Variants in SIDT2 observed in about 807,000 individuals in gnomAD.
SIDT2 encodes the protein SID1 transmembrane family, member 2.
In SIDT2, 68 loss-of-function variants were observed where a neutral mutation model predicts 114.4. That is an observed-to-expected ratio of 0.59 (90% confidence interval 0.49 to 0.73). The LOEUF (loss-of-function observed/expected upper bound fraction) is 0.73, where lower values mean the gene tolerates loss of function less well. Among genes scored for constraint, SIDT2 ranks in the 30% least tolerant of loss-of-function variants. SIDT2 has a pLI of 0.00. For missense variants in SIDT2, 918 were observed against 1,097.1 expected (o/e 0.84, Z 2.31); for synonymous variants, 470 against 438.4 (o/e 1.07, Z -0.90).
At chr11:117,189,757 CTAA>C (rs2030633619) in intron 15 of SIDT2, 192 bp from the exon 16 acceptor site, 1 of 619,050 alleles carries the variant, frequency 1.6e-6, no homozygotes, top group Non-Finnish European at 2.9e-6. Flanking sequence ...TCAGCCACGC[CTAA>C]TGAGAGGGGA....
At position 117,186,134 on chromosome 11, in the gene SIDT2, G is replaced by A; in HGVS notation, c.873G>A (p.Glu291=). 1 of 1,614,026 alleles carries A rather than the reference G, an allele frequency of 6.2e-7. No individual in the cohort carries two copies. The highest frequency in any genetic ancestry group is 2.2e-5 in the East Asian group (1 of 44,868). ...SVLVSQAVTS[E]AYVSGMLFCL... is the part of the protein sequence containing the mutation. ...CTTCCTGTTTCCTCCTTGAAGCTGA[G>A]GCATACGTCAGTGGGATGCTCTTTT... The change falls in exon 9 of 26, where the codon GAG becomes GAA. Residue 291 remains glutamate, a synonymous_variant. Transcript: ENST00000324225.
chr11:117,193,161 A>G lies in SIDT2; in HGVS notation c.2114A>G (p.Tyr705Cys), dbSNP rs1191607899. 3.1e-6 allele frequency: 5 copies of G among 1,614,028 alleles called. No individual in the cohort carries two copies. The highest frequency in any genetic ancestry group is 1.1e-5 in the South Asian group (1 of 91,090). The change falls in exon 23 of 26, where the codon TAT becomes TGT. Residue 705 changes from tyrosine to cysteine, a missense_variant. Transcript: ENST00000324225. The stretch of plus-strand genomic sequence containing the variant: ...TTCATCCCTCTTGCCAGGGCTGCCT[A>G]TGGGCTTATCATGCGCCCCAATGAT... ...GNVINWSLAA[Y>C]GLIMRPNDFA...
chr11:117,191,952 G>A lies in SIDT2; in HGVS notation c.1810G>A (p.Ala604Thr). ...CCAGAAGCGGCACCCGGACATCAAC[G>A]CCAGCGCCTACAGTGCCTACGCCTG... Reference protein sequence around the residue: ...LYQKRHPDINASAYSAYACLA... With the variant: ...LYQKRHPDINTSAYSAYACLA... Residue 604 changes from alanine (A) to threonine (T), a missense_variant, in exon 19 of 26, where the codon GCC becomes ACC. Physicochemically the swap from Ala to Thr is moderately conservative, Grantham distance 58 (BLOSUM62 0). Coordinates refer to ENST00000324225, the MANE Select transcript of SIDT2 (RefSeq NM_001040455.2). 1 of 1,614,132 alleles carries A rather than the reference G, an allele frequency of 6.2e-7. No homozygotes were observed. Among genetic ancestry groups the A allele is most frequent in the Non-Finnish European group, 8.5e-7 (1 of 1,180,046 alleles).
Position 117,179,079 on chromosome 11 carries a change from G to T in SIDT2, c.-185G>T, listed in dbSNP as rs1003927177. 4.7e-6 allele frequency: 3 copies of T among 637,946 alleles called. No homozygotes were observed. Among genetic ancestry groups the T allele is most frequent in the African/African-American group, 1.8e-5 (1 of 54,348 alleles). The allele number at this position is 637,946 out of a possible 1,614,324, so 39.5% of individuals were successfully genotyped here. A position where few individuals can be genotyped will look rare whatever the true frequency, so the allele number is the denominator to read the frequency against. Reference sequence around the variant, plus strand: ...TCCCGGCCGCCCCCTCCCCTGCGGGGACCCTGGGAGCCTCTTCGGGGCTCT... The same window carrying T: ...TCCCGGCCGCCCCCTCCCCTGCGGGTACCCTGGGAGCCTCTTCGGGGCTCT... On this transcript the variant is annotated 5_prime_UTR_variant, in exon 1 of 26. Coordinates refer to ENST00000324225, the MANE Select transcript of SIDT2 (RefSeq NM_001040455.2).
intron 23 of SIDT2, 54 bp from the exon 24 acceptor site, chr11:117,193,799 G>A (rs776597092): frequency 4.5e-6 from 6 of 1,329,638 alleles, no homozygotes; most frequent in East Asian, 2.3e-5. Flanking sequence ...GTGGGACAGC[G>A]GGGTGGGACA....
At chr11:117,183,899 C>G in intron 7 of SIDT2, 21 bp downstream of exon 7, 2 of 1,586,134 alleles carry the variant, frequency 1.3e-6, no homozygotes, top group Non-Finnish European at 1.7e-6. Flanking sequence ...TGCCCTGGGC[C>G]TGGCTAGGGA....
intron 15 of SIDT2, 50 bp from the exon 16 acceptor site, chr11:117,189,902 T>G: frequency 1.9e-6 from 3 of 1,589,970 alleles, no homozygotes; most frequent in Non-Finnish European, 2.6e-6. Flanking sequence ...GGGCGTGGGC[T>G]GAGTTGGGCG....
rs772303075 is a variant in SIDT2 at position 117,182,733 on chromosome 11, A to G, written c.629A>G (p.Tyr210Cys). ...ISIQDVLCPV[Y>C]DLDNNVAFIG... The stretch of plus-strand genomic sequence containing the variant: ...CCCGCCCCTCTGCAGTGTCCTGTCT[A>G]TGACCTGGACAACAACGTAGCCTTC... Residue 210 changes from tyrosine to cysteine, a missense_variant, in exon 6 of 26, where the codon TAT becomes TGT. Tyr to Cys is a radical substitution (Grantham distance 194). This residue lies in a region of SIDT2 where 553 missense variants were observed against 600.1 expected (regional missense o/e 0.92). Coordinates refer to ENST00000324225, the MANE Select transcript of SIDT2 (RefSeq NM_001040455.2). The G allele has an allele frequency of 6.2e-6, 10 of 1,614,196 alleles. No homozygotes were observed. Among genetic ancestry groups the G allele is most frequent in the Admixed American group, 1.7e-5 (1 of 60,032 alleles).
At chr11:117,189,756 C>CCTAATGAGAGGGGACAGCA in intron 15 of SIDT2, 196 bp from the exon 16 acceptor site, 1 of 621,756 alleles carries the variant, frequency 1.6e-6, no homozygotes, top group Non-Finnish European at 2.9e-6. Flanking sequence ...TTCAGCCACG[C>CCTAATGAGAGGGGACAGCA]CTAATGAGAG....
chr11:117,183,754 G>A (rs758823793), intron 6 of SIDT2, 25 bp from the exon 7 acceptor site: 4 of 1,450,398 alleles, frequency 2.8e-6, no homozygotes, highest in Middle Eastern at 3.5e-4. Context: ...TGATGAAGAA[G>A]ATATTTATCA....
chr11:117,180,335 C>G (rs2030229720), intron 1 of SIDT2, among the ~76,000 whole-genome samples: 1 of 152,082 alleles, frequency 6.6e-6, no homozygotes, highest in Non-Finnish European at 1.5e-5. Context: ...TGCTTAGAGT[C>G]CTTTCTTCCT....
rs1476401024 is a variant in SIDT2, at chr11:117,190,623, G to C, written c.1618G>C (p.Glu540Gln). 1.9e-6 allele frequency: 3 copies of C among 1,574,408 alleles called. No homozygotes were observed. Among genetic ancestry groups the C allele is most frequent in the African/African-American group, 2.7e-5 (2 of 74,354 alleles). Residue 540 changes from glutamate to glutamine, a missense_variant and splice_region_variant, in exon 18 of 26, where the codon GAA (glutamate) becomes CAA (glutamine). By Grantham distance (29) the Glu-to-Gln change is conservative. Coordinates refer to ENST00000324225, the MANE Select transcript of SIDT2 (RefSeq NM_001040455.2). The surrounding 1 kb of genome is among the most constrained non-coding windows in gnomAD (Gnocchi z 4.1). ...ALLRNDLCALECGIPKHFGLF... is the reference protein window; with the variant it reads ...ALLRNDLCALQCGIPKHFGLF... ...CTTCCCTTCTCTCTCTCCCCAACAG[G>C]AATGTGGGATCCCCAAACACTTTGG...
At position 117,191,861 on chromosome 11, in the gene SIDT2, C is replaced by T. The variant is rs376783478; in HGVS notation, c.1736-17C>T. ...GGTGGCCATTTCTGCAGCTCCCTTC[C>T]GTGTCCCTCATCCTAGACACATCGT... On this transcript the variant is annotated splice_polypyrimidine_tract_variant and intron_variant, in intron 18 of 25. Transcript: ENST00000324225. 15 of 1,612,376 alleles carry T rather than the reference C, an allele frequency of 9.3e-6. No individual in the cohort carries two copies. The highest frequency in any genetic ancestry group is 2.2e-5 in the East Asian group (1 of 44,830).
chr11:117,187,920 C>T, intron 12 of SIDT2: 1 of 689,248 alleles, frequency 1.5e-6, no homozygotes, highest in Non-Finnish European at 2.7e-6. Context: ...GGCGCCTCCC[C>T]TCTGGCCAGA....
In SIDT2 at chr11:117,192,589, G is replaced by A. The variant is rs774010573; in HGVS notation, c.1997G>A (p.Arg666His). Reference sequence around the variant, plus strand: ...CTCTTCGCAGACTCGGGGATCTTCCGCCGCATCCTCCACGTGCTCTACACA... The same window carrying A: ...CTCTTCGCAGACTCGGGGATCTTCCACCGCATCCTCCACGTGCTCTACACA... ...GRWKLDSGIFRRILHVLYTDC... is the reference protein window; with the variant it reads ...GRWKLDSGIFHRILHVLYTDC... Residue 666 changes from arginine (R) to histidine (H), a missense_variant, in exon 21 of 26, where the codon CGC (arginine) becomes CAC (histidine). This residue lies in a region of SIDT2 where 275 missense variants were observed against 397.6 expected (regional missense o/e 0.69). Transcript: ENST00000324225. This position sits in a 1 kb window ranked among gnomAD's most constrained non-coding sequence, Gnocchi z 5.9. 2.5e-5 allele frequency: 40 copies of A among 1,608,920 alleles called. No homozygotes were observed. The highest frequency in any genetic ancestry group is 8.8e-5 in the South Asian group (8 of 91,026).
In SIDT2 at chr11:117,195,887, C is replaced by T. The variant is rs1255570330; in HGVS notation, c.2408C>T (p.Ser803Phe). 6 of 1,614,248 alleles carry T rather than the reference C, an allele frequency of 3.7e-6. No individual in the cohort carries two copies. The highest frequency in any genetic ancestry group is 4.2e-6 in the Non-Finnish European group (5 of 1,180,050). Reference protein sequence around the residue: ...FDDHDIWHFLSSIAMFGSFLV... With the variant: ...FDDHDIWHFLFSIAMFGSFLV... ...GACCACGACATCTGGCACTTCCTCT[C>T]CTCCATCGCCATGTTCGGGTCCTTC... is the stretch of plus-strand genomic sequence containing the variant. The change falls in exon 25 of 26, where the codon TCC becomes TTC. Residue 803 changes from serine to phenylalanine, a missense_variant. Ser to Phe is a radical substitution (Grantham distance 155). Transcript: ENST00000324225.
chr11:117,192,376 C>T lies in SIDT2; in HGVS notation c.1981+14C>T, dbSNP rs374590578. 93 of 1,527,654 alleles carry T rather than the reference C, an allele frequency of 6.1e-5. No individual in the cohort carries two copies. The highest frequency in any genetic ancestry group is 7.3e-5 in the Non-Finnish European group (81 of 1,102,706). 94.6% of individuals were successfully genotyped at this position (1,527,654 alleles called of 1,614,324 possible). ...GGTGGAAACTGGGTAAGGGCACGCC[C>T]GGGGCAGGGCCTGGGGGAGGGGTCT... On this transcript the variant is annotated intron_variant, in intron 20 of 25. Transcript: ENST00000324225. This position sits in a 1 kb window ranked among gnomAD's most constrained non-coding sequence, Gnocchi z 5.9.
At chr11:117,181,122 TC>T (rs1243280841) in intron 1 of SIDT2, among the ~76,000 whole-genome samples, 1 of 152,086 alleles carries the variant, frequency 6.6e-6, no homozygotes, top group Non-Finnish European at 1.5e-5. Flanking sequence ...GAATGGGGTA[TC>T]CTGGAGACTC....
rs1329135218 is a variant in SIDT2, at chr11:117,186,569, G to A, written c.963-15G>A. Reference sequence around the variant, plus strand: ...CCTGTCCCATCTGGGTGGCCTGTGGGTTCTGTCCATGCAGGCAGAAGAAGA... The same window carrying A: ...CCTGTCCCATCTGGGTGGCCTGTGGATTCTGTCCATGCAGGCAGAAGAAGA... On this transcript the variant is annotated splice_polypyrimidine_tract_variant and intron_variant, in intron 9 of 25. Transcript: ENST00000324225. 1.3e-6 allele frequency: 2 copies of A among 1,548,072 alleles called. No homozygotes were observed. The highest frequency in any genetic ancestry group is 1.4e-5 in the African/African-American group (1 of 72,448).
Sources: gnomAD v4.1 joint callset for allele counts (sites outside exome capture counted in the v4.1 genomes callset) on GRCh38, gnomAD v4.1.1 for gene constraint, gnomAD v4.1.1 regional missense constraint, Gnocchi (gnomAD v3.1) non-coding constraint, MANE v1.5 for transcripts, NCBI Gene and HGNC (gene_info 2026-07-23, HGNC 2026-07-21) for gene names.